The following ZBTB20 variants were observed in gnomAD, a reference collection of about 807,000 sequenced individuals.
ZBTB20 encodes the protein zinc finger and BTB domain containing 20, also known as zinc finger and BTB domain-containing protein 20.
Under a neutral mutation model 56.9 loss-of-function variants are expected in ZBTB20, and 9 were observed. That is an observed-to-expected ratio of 0.16 (90% confidence interval 0.10 to 0.28). The LOEUF is 0.28. ZBTB20 is among the 10% of genes least tolerant of loss of function. The pLI, the probability that ZBTB20 is intolerant of heterozygous loss-of-function variation, is 1.00. For synonymous variants in ZBTB20, 417 were observed against 420.7 expected (o/e 0.99, Z 0.11); for missense variants, 655 against 1,003.0 (o/e 0.65, Z 4.69).
chr3:114,686,305 T>C (rs2062339659), intron 6 of ZBTB20, among the ~76,000 whole-genome samples: 1 of 152,148 alleles, frequency 6.6e-6, no homozygotes, highest in Admixed American at 6.6e-5. Context: ...CTGAGCAAGG[T>C]AAAGAGTGCG....
chr3:114,739,833 G>A (rs971334919), intron 5 of ZBTB20, among the ~76,000 whole-genome samples: 2 of 152,166 alleles, frequency 1.3e-5, no homozygotes, highest in African/African-American at 4.8e-5. Context: ...GTGCTTATCA[G>A]CTTGCTCCTT....
chr3:114,916,879 T>C (rs1161789435), intron 3 of ZBTB20, among the ~76,000 whole-genome samples: 1 of 152,200 alleles, frequency 6.6e-6, no homozygotes, highest in East Asian at 1.9e-4. Flanking sequence ...TTCTTTAGGT[T>C]AAATCTGCTT....
intron 2 of ZBTB20, among the ~76,000 whole-genome samples, chr3:115,042,774 T>A (rs1013822008): frequency 6.6e-6 from 1 of 152,196 alleles, no homozygotes; most frequent in Non-Finnish European, 1.5e-5. Context: ...TAAGACACAA[T>A]TAAACCAAGA....
chr3:114,859,467 G>C (rs1350951311), intron 4 of ZBTB20, among the ~76,000 whole-genome samples: 2 of 151,442 alleles, frequency 1.3e-5, no homozygotes, highest in Non-Finnish European at 2.9e-5. Flanking sequence ...TGGTGGAGGA[G>C]GTGCAAAAAT....
rs918762300 is a variant in ZBTB20 at position 114,338,661 on chromosome 3, T to G, written c.*344A>C. 3 of 175,792 alleles carry G rather than the reference T, an allele frequency of 1.7e-5. No homozygotes were observed. Among genetic ancestry groups the G allele is most frequent in the African/African-American group, 7.1e-5 (3 of 42,406 alleles). The allele number at this position is 175,792 out of a possible 1,614,324, so 10.9% of individuals were successfully genotyped here. On this transcript the variant is annotated 3_prime_UTR_variant, in exon 12 of 12. Transcript: ENST00000675478. ...TCTTCACAAGTGGAAATTTTTTTTT[T>G]TTTTTTACTTTTTTTTAAAAGATTT...
chr3:114,981,384 T>C (rs2078320090), intron 2 of ZBTB20, among the ~76,000 whole-genome samples: 1 of 152,116 alleles, frequency 6.6e-6, no homozygotes, highest in South Asian at 2.1e-4. Context: ...AGGTTAAATA[T>C]GTTTCCTTTA....
intron 2 of ZBTB20, among the ~76,000 whole-genome samples, chr3:114,991,472 T>G (rs985089105): frequency 6.6e-6 from 1 of 152,128 alleles, no homozygotes; most frequent in Non-Finnish European, 1.5e-5. Context: ...TGAGAGAAAG[T>G]TTGTTATAAT....
intron 2 of ZBTB20, among the ~76,000 whole-genome samples, chr3:115,042,414 G>T (rs181173175): frequency 6.6e-6 from 1 of 152,214 alleles, no homozygotes; most frequent in South Asian, 2.1e-4. Context: ...CTGCTCAAAC[G>T]CAGAGGAAAC....
chr3:114,866,169 ACTAAG>A (rs1387389906), intron 4 of ZBTB20, among the ~76,000 whole-genome samples: 1 of 152,210 alleles, frequency 6.6e-6, no homozygotes, highest in Non-Finnish European at 1.5e-5. Context: ...TTCACTGAGT[ACTAAG>A]CTATGTTCCA....
At chr3:115,123,166 T>A (rs2084230783) in intron 1 of ZBTB20, among the ~76,000 whole-genome samples, 1 of 152,180 alleles carries the variant, frequency 6.6e-6, no homozygotes, top group African/African-American at 2.4e-5. Flanking sequence ...AGATATTTGG[T>A]CAGCAAAGAT....
Position 114,440,094 on chromosome 3 carries a change from CT to C in ZBTB20, c.-254-50990del, listed in dbSNP as rs200233937. Among the ~76,000 whole-genome samples, 242 of 147,194 alleles carry C rather than the reference CT, an allele frequency of 1.6e-3. 1 individual carries two copies. Among genetic ancestry groups the C allele is most frequent in the Middle Eastern group, 3.5e-3 (1 of 288 alleles). ...ATGGTAATCAGCAGAGAAGGTCTTA[CT>C]TTTTTTTTTTTAAAAAGTGACTGAC... On this transcript the variant is annotated intron_variant, in intron 7 of 11. Transcript: ENST00000675478.
chr3:114,605,937 A>C (rs548455082), intron 6 of ZBTB20, among the ~76,000 whole-genome samples: 23 of 152,316 alleles, frequency 1.5e-4, no homozygotes, highest in Admixed American at 8.5e-4. Context: ...ATGAGTTTTC[A>C]GGCCCATCCA....
intron 6 of ZBTB20, among the ~76,000 whole-genome samples, chr3:114,570,397 AAT>A (rs1241482610): frequency 4.0e-5 from 6 of 150,978 alleles, no homozygotes; most frequent in African/African-American, 1.2e-4. Context: ...ACAATATATT[AAT>A]ATATTGTATA....
At chr3:114,936,386 A>C (rs1409443098) in intron 3 of ZBTB20, among the ~76,000 whole-genome samples, 3 of 152,176 alleles carry the variant, frequency 2.0e-5, no homozygotes, top group Non-Finnish European at 2.9e-5. Context: ...TGCTGCTGGC[A>C]AATCATAAAT....
chr3:114,649,098 G>C (rs2059996685), intron 6 of ZBTB20, among the ~76,000 whole-genome samples: 1 of 151,892 alleles, frequency 6.6e-6, no homozygotes, highest in African/African-American at 2.4e-5. Flanking sequence ...AGTTTAATTT[G>C]ACAGAGGAGC....
At chr3:115,032,120 C>CT (rs1248011714) in intron 2 of ZBTB20, among the ~76,000 whole-genome samples, 1 of 151,204 alleles carries the variant, frequency 6.6e-6, no homozygotes, top group Non-Finnish European at 1.5e-5. Context: ...GGTCCTAATC[C>CT]TTTAAAAATA....
intron 5 of ZBTB20, among the ~76,000 whole-genome samples, chr3:114,774,500 A>C (rs1413534934): frequency 2.0e-5 from 3 of 152,132 alleles, no homozygotes; most frequent in African/African-American, 4.8e-5. Context: ...TCTGCTTCCT[A>C]GAGGTCCCTG....
At chr3:115,127,452 C>T (rs1217146157) in intron 1 of ZBTB20, among the ~76,000 whole-genome samples, 2 of 151,916 alleles carry the variant, frequency 1.3e-5, no homozygotes, top group African/African-American at 4.8e-5. Flanking sequence ...TAGCCAGGCA[C>T]GATGGCATAC....
intron 6 of ZBTB20, among the ~76,000 whole-genome samples, chr3:114,614,750 T>C (rs1355616883): frequency 6.6e-6 from 1 of 151,872 alleles, no homozygotes; most frequent in African/African-American, 2.4e-5. Flanking sequence ...TGTTTGTTTG[T>C]TTGTTTGTTT....
Sources: gnomAD v4.1 joint callset for allele counts (sites outside exome capture counted in the v4.1 genomes callset) on GRCh38, gnomAD v4.1.1 for gene constraint, MANE v1.5 for transcripts, NCBI Gene and HGNC (gene_info 2026-07-23, HGNC 2026-07-21) for gene names.